Variants in OR11G2 observed in about 807,000 individuals in gnomAD.
OR11G2 encodes the protein olfactory receptor family 11 subfamily G member 2, also known as olfactory receptor 11G2.
A neutral mutation model predicts 0.9 loss-of-function variants in OR11G2; 2 were observed. That is an observed-to-expected ratio of 2.35 (90% CI 0.96 to 7.38). The LOEUF (loss-of-function observed/expected upper bound fraction) is 7.38. Among genes scored for constraint, OR11G2 ranks in the 30% most tolerant of loss-of-function variants. OR11G2 has a pLI of 0.05. For synonymous variants in OR11G2, 153 were observed against 142.0 expected (o/e 1.08, Z -0.55); for missense variants, 395 against 371.3 (o/e 1.06, Z -0.52).
At chr14:20,191,829 C>T (rs1453969604) in intron 1 of OR11G2, among the ~76,000 whole-genome samples, 163 bp downstream of exon 1, 2 of 151,920 alleles carry the variant, frequency 1.3e-5, no homozygotes, top group Admixed American at 6.6e-5. Context: ...AAAAATTGCC[C>T]TGAGGGGGAA....
At position 20,197,312 on chromosome 14, in the gene OR11G2, T is replaced by C. The variant is rs764282859; in HGVS notation, c.-4-122T>C. On this transcript the variant is annotated intron_variant, in intron 1 of 1. Transcript: ENST00000641879. ...TATCTGCATTCTGTTTTTTACTTTT[T>C]ACTTTTATTTCAATAGTAAATTTAT... 3.8e-6 allele frequency: 5 copies of C among 1,315,136 alleles called. 1 individual carries two copies. The highest frequency in any genetic ancestry group is 2.4e-5 in the East Asian group (1 of 40,870). The allele number at this position is 1,315,136 out of a possible 1,614,324, so 81.5% of individuals were successfully genotyped here.
intron 1 of OR11G2, among the ~76,000 whole-genome samples, chr14:20,194,528 C>T (rs927900488): frequency 1.3e-5 from 2 of 152,058 alleles, no homozygotes; most frequent in African/African-American, 2.4e-5. Flanking sequence ...TCAAATTATT[C>T]GACTGTTGAG....
Position 20,200,319 on chromosome 14 carries a change from T to G in OR11G2, c.*1946T>G, listed in dbSNP as rs1207562933. 2 of 152,074 alleles carry G rather than the reference T, an allele frequency of 1.3e-5. No individual in the cohort carries two copies. Among genetic ancestry groups the G allele is most frequent in the African/African-American group, 4.8e-5 (2 of 41,400 alleles). 9.4% of individuals were successfully genotyped at this position (152,074 alleles called of 1,614,324 possible). A position where few individuals can be genotyped will look rare whatever the true frequency, so the allele number is the denominator to read the frequency against. ...TTAATATAAACGAAGCTCTGTAAAA[T>G]AGTAAGAGAACAGAACAGTATCCCA... On this transcript the variant is annotated 3_prime_UTR_variant, in exon 2 of 2. Transcript: ENST00000641879.
Position 20,191,346 on chromosome 14 carries a change from A to T in OR11G2, c.-325A>T, listed in dbSNP as rs1304517873. ...TGCCTTTTTGAGCTAGCCTTGGGGA[A>T]AAAGTAAAACATCAGAGAAATGCTT... On this transcript the variant is annotated 5_prime_UTR_variant, in exon 1 of 2. Transcript: ENST00000641879. 6.6e-6 allele frequency: 1 copy of T among 152,244 alleles called. No homozygotes were observed. The highest frequency in any genetic ancestry group is 1.5e-5 in the Non-Finnish European group (1 of 68,046). 9.4% of individuals were successfully genotyped at this position (152,244 alleles called of 1,614,324 possible). A position where few individuals can be genotyped will look rare whatever the true frequency, so the allele number is the denominator to read the frequency against.
In OR11G2 at chr14:20,201,005, A is replaced by G. The variant is rs1424488415; in HGVS notation, c.*2632A>G. 6.6e-6 allele frequency: 1 copy of G among 152,140 alleles called. No homozygotes were observed. The highest frequency in any genetic ancestry group is 2.4e-5 in the African/African-American group (1 of 41,454). The allele number at this position is 152,140 out of a possible 1,614,324, so 9.4% of individuals were successfully genotyped here. On this transcript the variant is annotated 3_prime_UTR_variant, in exon 2 of 2. Transcript: ENST00000641879. ...GCAAGAAGAATTTTGTGTCTAAGGA[A>G]CAAGATAGTAAAGGAGACTTTTTTT...
intron 1 of OR11G2, among the ~76,000 whole-genome samples, chr14:20,194,875 A>G (rs1999739): frequency 0.98 from 149,692 of 152,338 alleles, 73,644 homozygotes; most frequent in Middle Eastern, 1. Flanking sequence ...TAATGTCCTT[A>G]ATCATGAGTG....
chr14:20,198,286 T>C lies in OR11G2; in HGVS notation c.849T>C (p.Ser283=). ...GKQKTVTLFY[S]VVTPLLNPVI... ...AGAAGACTGTGACTCTGTTTTATTC[T>C]GTTGTTACCCCACTGCTTAACCCTG... The change falls in exon 2 of 2, where the codon TCT becomes TCC. Residue 283 remains serine (S), a synonymous_variant. Coordinates refer to ENST00000641879, the MANE Select transcript of OR11G2 (RefSeq NM_001386033.1). 1 of 1,613,770 alleles carries C rather than the reference T, an allele frequency of 6.2e-7. No homozygotes were observed. The highest frequency in any genetic ancestry group is 8.5e-7 in the Non-Finnish European group (1 of 1,179,706).
intron 1 of OR11G2, among the ~76,000 whole-genome samples, chr14:20,193,304 T>G (rs187806619): frequency 4.3e-4 from 65 of 152,278 alleles, no homozygotes; most frequent in Non-Finnish European, 7.8e-4. Context: ...GTGTTTTTAG[T>G]AGAGACGAAG....
chr14:20,192,744 T>A (rs568294327), intron 1 of OR11G2, among the ~76,000 whole-genome samples: 7 of 152,352 alleles, frequency 4.6e-5, no homozygotes, highest in African/African-American at 1.7e-4. Context: ...AATCATTTTT[T>A]AACAAATATT....
chr14:20,196,403 T>C (rs1376587793), intron 1 of OR11G2, among the ~76,000 whole-genome samples: 1 of 152,222 alleles, frequency 6.6e-6, no homozygotes, highest in African/African-American at 2.4e-5. Flanking sequence ...CAAACTTTCT[T>C]TAGTTTGCTC....
chr14:20,198,964 T>C lies in OR11G2; in HGVS notation c.*591T>C, dbSNP rs1327735026. 2.6e-5 allele frequency: 4 copies of C among 152,168 alleles called. No homozygotes were observed. The highest frequency in any genetic ancestry group is 9.7e-5 in the African/African-American group (4 of 41,390). The allele number at this position is 152,168 out of a possible 1,614,324, so 9.4% of individuals were successfully genotyped here. A position where few individuals can be genotyped will look rare whatever the true frequency, so the allele number is the denominator to read the frequency against. ...GTTTTGTTCTAGCAAGTAGATGGAG[T>C]AGAGGCAGATCACATTGATTCTATT... On this transcript the variant is annotated 3_prime_UTR_variant, in exon 2 of 2. Transcript: ENST00000641879.
rs2139115025 is a variant in OR11G2 at position 20,198,107 on chromosome 14, C to G, written c.670C>G (p.Leu224Val). 6.2e-7 allele frequency: 1 copy of G among 1,614,116 alleles called. No homozygotes were observed. The highest frequency in any genetic ancestry group is 8.5e-7 in the Non-Finnish European group (1 of 1,180,024). ...TCTCTTCATTGTGGGGTCCTATGCT[C>G]TGGTCGTGAGAGCTGTGTTGAGGGT... Reference protein sequence around the residue: ...LFLFIVGSYALVVRAVLRVPS... With the variant: ...LFLFIVGSYAVVVRAVLRVPS... Residue 224 changes from leucine (L) to valine (V), a missense_variant, in exon 2 of 2, where the codon CTG (leucine) becomes GTG (valine). Physicochemically the swap from Leu to Val is conservative, Grantham distance 32. Coordinates refer to ENST00000641879, the MANE Select transcript of OR11G2 (RefSeq NM_001386033.1).
chr14:20,192,295 A>G (rs948470907), intron 1 of OR11G2, among the ~76,000 whole-genome samples: 3 of 152,220 alleles, frequency 2.0e-5, no homozygotes, highest in African/African-American at 7.2e-5. Context: ...GAATAATAGT[A>G]TTTCATAATG....
chr14:20,198,685 C>A lies in OR11G2; in HGVS notation c.*312C>A, dbSNP rs576986403. 1 of 163,820 alleles carries A rather than the reference C, an allele frequency of 6.1e-6. No individual in the cohort carries two copies. Among genetic ancestry groups the A allele is most frequent in the African/African-American group, 2.5e-5 (1 of 40,530 alleles). The allele number at this position is 163,820 out of a possible 1,614,324, so 10.1% of individuals were successfully genotyped here. On this transcript the variant is annotated 3_prime_UTR_variant, in exon 2 of 2. Transcript: ENST00000641879. The stretch of plus-strand genomic sequence containing the variant: ...CGGAGCTTGCAGTGAGCCGAGATCG[C>A]GCCACTGCACTCAAGCCTGGGCGAC...
chr14:20,197,826 T>G lies in OR11G2; in HGVS notation c.389T>G (p.Ile130Ser), dbSNP rs1052494532. Reference protein sequence around the residue: ...AVMAFDRYLAICRPLRYPTIM... With the variant: ...AVMAFDRYLASCRPLRYPTIM... ...ATGGCATTTGATCGATACCTTGCCA[T>G]CTGTCGGCCTCTACGCTATCCAACC... Residue 130 changes from isoleucine (I) to serine (S), a missense_variant, in exon 2 of 2, where the codon ATC becomes AGC. Transcript: ENST00000641879. 9.9e-6 allele frequency: 16 copies of G among 1,614,032 alleles called. No homozygotes were observed. The Admixed American group carries it at 1.0e-4, about 10-fold the overall frequency.
intron 1 of OR11G2, among the ~76,000 whole-genome samples, chr14:20,192,326 T>C (rs989046581): frequency 1.3e-5 from 2 of 152,198 alleles, no homozygotes; most frequent in Non-Finnish European, 2.9e-5. Context: ...AAAAATCATA[T>C]AATCCAACTC....
chr14:20,197,326 T>G, intron 1 of OR11G2, 108 bp from the exon 2 acceptor site: 1 of 1,394,478 alleles, frequency 7.2e-7, no homozygotes, highest in Non-Finnish European at 9.8e-7. Flanking sequence ...TTTATTTCAA[T>G]AGTAAATTTA....
rs1879811864 is a variant in OR11G2 at position 20,198,055 on chromosome 14, A to G, written c.618A>G (p.Leu206=). 6.2e-7 allele frequency: 1 copy of G among 1,614,038 alleles called. No individual in the cohort carries two copies. The highest frequency in any genetic ancestry group is 8.5e-7 in the Non-Finnish European group (1 of 1,180,016). The change falls in exon 2 of 2, where the codon TTA becomes TTG. Residue 206 remains leucine (L), a synonymous_variant. Transcript: ENST00000641879. The stretch of plus-strand genomic sequence containing the variant: ...TGATAGAGCTTGTCTTTTCTGTCTT[A>G]AGTCCTCTGCCTGTCTTTATGCTCT... ...GPVIELVFSV[L]SPLPVFMLFL...
chr14:20,191,062 T>C lies in OR11G2; in HGVS notation c.-609T>C, dbSNP rs1399256086. 1.3e-5 allele frequency: 2 copies of C among 152,232 alleles called. No homozygotes were observed. The highest frequency in any genetic ancestry group is 2.1e-4 in the South Asian group (1 of 4,826). The allele number at this position is 152,232 out of a possible 1,614,324, so 9.4% of individuals were successfully genotyped here. A position where few individuals can be genotyped will look rare whatever the true frequency, so the allele number is the denominator to read the frequency against. On this transcript the variant is annotated 5_prime_UTR_variant, in exon 1 of 2. It removes an upstream start codon present in the reference 5' UTR. Transcript: ENST00000641879. ...CAGGTTTGTGATCCCCTTTTGTCCATGAAAGGAGATGATGCAATGGACAAA... is the reference window on the plus strand; with the variant it reads ...CAGGTTTGTGATCCCCTTTTGTCCACGAAAGGAGATGATGCAATGGACAAA...
Sources: allele counts gnomAD v4.1 joint callset (sites outside exome capture counted in the v4.1 genomes callset), GRCh38; gene constraint gnomAD v4.1.1; transcripts MANE v1.5; gene names NCBI Gene and HGNC (gene_info 2026-07-23, HGNC 2026-07-21).